The following OPTN variants were observed in gnomAD, a reference collection of about 807,000 sequenced individuals.
OPTN encodes the protein optineurin.
Under a neutral mutation model 70.4 loss-of-function variants are expected in OPTN, and 54 were observed. The ratio of observed to expected loss-of-function variants is 0.77; its 90% confidence interval spans 0.62 to 0.96. OPTN has a LOEUF of 0.96. Ranked by LOEUF, OPTN falls within the 40% of genes least tolerant of loss-of-function variation. OPTN has a pLI of 0.00. For missense variants in OPTN, 624 were observed against 673.2 expected (o/e 0.93, Z 0.81); for synonymous variants, 256 against 248.5 (o/e 1.03, Z -0.28).
rs1051642000 is a variant in OPTN at position 13,104,613 on chromosome 10, G to T, written c.-163-3525G>T. 1.2e-5 allele frequency: 8 copies of T among 674,944 alleles called. No individual in the cohort carries two copies. In the East Asian group the frequency reaches 1.6e-4, roughly 14 times the overall value. The allele number at this position is 674,944 out of a possible 1,614,324, so 41.8% of individuals were successfully genotyped here. A position where few individuals can be genotyped will look rare whatever the true frequency, so the allele number is the denominator to read the frequency against. On this transcript the variant is annotated intron_variant, in intron 1 of 14. Transcript: ENST00000378747. The stretch of plus-strand genomic sequence containing the variant: ...TCTAACATGAGGATACTGTTTCCTC[G>T]TATTACCACCATTCCAGTATTGTTC...
At chr10:13,107,387 CTTTTTTTTTTT>C (rs869161209) in intron 1 of OPTN, among the ~76,000 whole-genome samples, 2 of 117,196 alleles carry the variant, frequency 1.7e-5, no homozygotes, top group Non-Finnish European at 3.4e-5. Context: ...CCAAAACAGT[CTTTTTTTTTTT>C]TTTTTTTTGA....
chr10:13,124,126 C>A lies in OPTN; in HGVS notation c.998+16C>A. On this transcript the variant is annotated intron_variant, in intron 9 of 14. Coordinates refer to ENST00000378747, the MANE Select transcript of OPTN (RefSeq NM_001008212.2). ...TTCAAGAAAAGTAAGAATGAGAGAG[C>A]AATTTTATCCTCCTTTGAAATATAC... 7.3e-7 allele frequency: 1 copy of A among 1,364,166 alleles called. No individual in the cohort carries two copies. The highest frequency in any genetic ancestry group is 1.0e-6 in the Non-Finnish European group (1 of 955,912). 84.5% of individuals were successfully genotyped at this position (1,364,166 alleles called of 1,614,324 possible).
intron 12 of OPTN, 99 bp downstream of exon 12, chr10:13,128,002 T>G: frequency 1.4e-6 from 2 of 1,411,242 alleles, no homozygotes; most frequent in South Asian, 2.4e-5. Flanking sequence ...ATTTTCTATT[T>G]TATATATTTT....
At chr10:13,136,057 C>T (rs12766076) in intron 14 of OPTN, among the ~76,000 whole-genome samples, 40,348 of 151,892 alleles carry the variant, frequency 0.27, 5,520 homozygotes, top group Admixed American at 0.37. Context: ...TGTGGTGGCA[C>T]GTGCCTGTAG....
At chr10:13,127,536 A>T (rs571108228) in intron 11 of OPTN, among the ~76,000 whole-genome samples, 17 of 152,200 alleles carry the variant, frequency 1.1e-4, no homozygotes, top group Admixed American at 1.0e-3. Context: ...GTTAGAGCTG[A>T]TACATTTTTT....
rs555423190 is a variant in OPTN at position 13,138,040 on chromosome 10, T to G, written c.*1174T>G. The G allele has an allele frequency of 4.9e-6, 1 of 202,372 alleles. No individual in the cohort carries two copies. Among genetic ancestry groups the G allele is most frequent in the Non-Finnish European group, 1.0e-5 (1 of 98,466 alleles). 12.5% of individuals were successfully genotyped at this position (202,372 alleles called of 1,614,324 possible). A position where few individuals can be genotyped will look rare whatever the true frequency, so the allele number is the denominator to read the frequency against. On this transcript the variant is annotated 3_prime_UTR_variant, in exon 15 of 15. Coordinates refer to ENST00000378747, the MANE Select transcript of OPTN (RefSeq NM_001008212.2). ...ATATATTTTCTGTATTAAGCTCATT[T>G]GGCTTCATTTAAGCTGTATACTTAG...
chr10:13,118,874 T>C lies in OPTN; in HGVS notation c.627-14T>C. ...TTTTTCTGATGAAAACCTTTTAACCTTTATACTGAACAGGGCATTGTCTAA... is the reference window on the plus strand; with the variant it reads ...TTTTTCTGATGAAAACCTTTTAACCCTTATACTGAACAGGGCATTGTCTAA... On this transcript the variant is annotated splice_polypyrimidine_tract_variant and intron_variant, in intron 6 of 14. Coordinates refer to ENST00000378747, the MANE Select transcript of OPTN (RefSeq NM_001008212.2). 6.2e-7 allele frequency: 1 copy of C among 1,613,444 alleles called. No homozygotes were observed. The highest frequency in any genetic ancestry group is 8.5e-7 in the Non-Finnish European group (1 of 1,179,370).
intron 5 of OPTN, among the ~76,000 whole-genome samples, chr10:13,115,515 A>T (rs538879638): frequency 0.014 from 1,515 of 108,262 alleles, 106 homozygotes; most frequent in African/African-American, 0.057. Flanking sequence ...AATATATATA[A>T]TATATTCTAT....
At chr10:13,100,500 G>C (rs370160575) in intron 1 of OPTN, among the ~76,000 whole-genome samples, 198 bp downstream of exon 1, 4 of 152,228 alleles carry the variant, frequency 2.6e-5, no homozygotes, top group African/African-American at 7.2e-5. Context: ...GGCGGGTCCT[G>C]ACCTGGTGGG....
chr10:13,126,527 G>A (rs1588448639), intron 11 of OPTN, among the ~76,000 whole-genome samples: 2 of 152,078 alleles, frequency 1.3e-5, no homozygotes, highest in East Asian at 3.9e-4. Flanking sequence ...TGATCCACCC[G>A]CCTCGGCCTC....
rs184547000 is a variant in OPTN at position 13,125,594 on chromosome 10, C to T, written c.1148+27C>T. The T allele has an allele frequency of 1.6e-3, 2,626 of 1,613,400 alleles. 8 individuals are homozygous for T. The highest frequency in any genetic ancestry group is 2.3e-3 in the Admixed American group (136 of 60,004). ...TGAGTATGTTGAGTCAGAAGGGCAG[C>T]GACGGGGCAGAGGAGGGAGAATCGC... On this transcript the variant is annotated intron_variant, in intron 10 of 14. Coordinates refer to ENST00000378747, the MANE Select transcript of OPTN (RefSeq NM_001008212.2).
rs1359892832 is a variant in OPTN, at chr10:13,110,348, G to T, written c.241G>T (p.Glu81Ter). ...TTCGGCCTGGACAGAGAAACAGAAG[G>T]AAGAACGCCAGTTTTTTGAGATACA... ...ELSAWTEKQK[E>*]ERQFFEIQSK... Residue 81 changes from glutamate (E) to a stop codon, truncating the protein, a stop_gained, in exon 4 of 15, where the codon GAA (glutamate) becomes TAA (stop). Transcript: ENST00000378747. LOFTEE classifies it high-confidence loss of function. 6.2e-7 allele frequency: 1 copy of T among 1,614,046 alleles called. No homozygotes were observed. The highest frequency in any genetic ancestry group is 1.3e-5 in the African/African-American group (1 of 74,920).
chr10:13,125,962 C>T lies in OPTN; in HGVS notation c.1165C>T (p.Leu389=), dbSNP rs1833449925. The change falls in exon 11 of 15, where the codon CTA becomes TTA. Residue 389 remains leucine, a synonymous_variant. Coordinates refer to ENST00000378747, the MANE Select transcript of OPTN (RefSeq NM_001008212.2). The part of the protein sequence containing the change: ...TEDEKSKLTV[L]QMTHNKLLQE... ...TTTTAATAGGTCCAAATTAACTGTGCTACAGATGACACACAACAAGCTTCT... is the reference window on the plus strand; with the variant it reads ...TTTTAATAGGTCCAAATTAACTGTGTTACAGATGACACACAACAAGCTTCT... The T allele has an allele frequency of 3.1e-6, 5 of 1,609,074 alleles. No homozygotes were observed. The East Asian group carries it at 1.1e-4, about 36-fold the overall frequency.
chr10:13,125,895 T>C (rs749802034), intron 10 of OPTN, 51 bp from the exon 11 acceptor site: 40 of 1,354,872 alleles, frequency 3.0e-5, no homozygotes, highest in Non-Finnish European at 3.9e-5. Flanking sequence ...AGACTATAAG[T>C]TTCTATGATA....
chr10:13,114,844 AATTGTATAATATATTC>A (rs1427333096), intron 5 of OPTN, among the ~76,000 whole-genome samples: 1 of 57,456 alleles, frequency 1.7e-5, no homozygotes, highest in African/African-American at 6.0e-5. Context: ...ATAATTATAT[AATTGTATAATATATTC>A]TACAATTATA....
chr10:13,121,691 C>A (rs1833355321), intron 7 of OPTN, among the ~76,000 whole-genome samples: 1 of 152,044 alleles, frequency 6.6e-6, no homozygotes, highest in South Asian at 2.1e-4. Context: ...CTTGGCTGTC[C>A]CTACTGTTGG....
chr10:13,126,903 G>A (rs979885888), intron 11 of OPTN, among the ~76,000 whole-genome samples: 22 of 152,046 alleles, frequency 1.4e-4, no homozygotes, highest in African/African-American at 1.4e-4. Context: ...TCGTGCCTGC[G>A]GTCCCAGCTC....
intron 13 of OPTN, among the ~76,000 whole-genome samples, chr10:13,132,968 G>T (rs557944254): frequency 6.6e-6 from 1 of 151,826 alleles, no homozygotes; most frequent in Admixed American, 6.6e-5. Flanking sequence ...AGTCTCCTTT[G>T]TTCCCCATCC....
At chr10:13,105,629 C>T (rs1337876006) in intron 1 of OPTN, among the ~76,000 whole-genome samples, 1 of 152,166 alleles carries the variant, frequency 6.6e-6, no homozygotes, top group Non-Finnish European at 1.5e-5. Context: ...CATGGAGGGG[C>T]CCGGCACCGT....
Sources: allele counts gnomAD v4.1 joint callset (sites outside exome capture counted in the v4.1 genomes callset), GRCh38; gene constraint gnomAD v4.1.1; transcripts MANE v1.5; gene names NCBI Gene and HGNC (gene_info 2026-07-23, HGNC 2026-07-21).